The following ULK4 variants were observed in gnomAD, a reference collection of about 807,000 sequenced individuals.
ULK4 encodes the protein unc-51 like kinase 4.
Under a neutral mutation model 160.6 loss-of-function variants are expected in ULK4, and 133 were observed. The observed-to-expected ratio is 0.83, with a 90% CI of 0.72 to 0.96. ULK4 has a LOEUF of 0.96. ULK4 is among the 40% of genes least tolerant of loss of function. ULK4 has a pLI of 0.00. For synonymous variants in ULK4, 534 were observed against 539.8 expected (o/e 0.99, Z 0.15); for missense variants, 1,580 against 1,499.5 (o/e 1.05, Z -0.89).
intron 32 of ULK4, among the ~76,000 whole-genome samples, chr3:41,561,169 T>C (rs913533958): frequency 1.3e-5 from 2 of 152,210 alleles, no homozygotes; most frequent in Non-Finnish European, 2.9e-5. Context: ...ATTATGTTTA[T>C]TGATTTGCAT....
chr3:41,319,987 T>C (rs4973941), intron 35 of ULK4, among the ~76,000 whole-genome samples: 26,859 of 152,134 alleles, frequency 0.18, 3,008 homozygotes, highest in African/African-American at 0.32. Context: ...TAACTTAAAG[T>C]TCAGTAGTGA....
intron 22 of ULK4, among the ~76,000 whole-genome samples, chr3:41,749,512 A>G (rs1453623695): frequency 2.0e-5 from 3 of 152,158 alleles, no homozygotes; most frequent in African/African-American, 4.8e-5. Flanking sequence ...TTTGCGTTAG[A>G]TGATTTTGCC....
chr3:41,623,619 A>G (rs567284831), intron 30 of ULK4, among the ~76,000 whole-genome samples: 19 of 152,278 alleles, frequency 1.2e-4, no homozygotes, highest in African/African-American at 3.6e-4. Context: ...AACAAATACT[A>G]CATGATTTCA....
chr3:41,437,528 A>G (rs2083063577), intron 34 of ULK4, among the ~76,000 whole-genome samples: 1 of 152,192 alleles, frequency 6.6e-6, no homozygotes, highest in South Asian at 2.1e-4. Flanking sequence ...TGTCTTACAC[A>G]CTATACTCTG....
Position 41,264,653 on chromosome 3 carries a change from G to A in ULK4, c.3679-15079C>T, listed in dbSNP as rs142994657. 9.8e-4 allele frequency among the ~76,000 whole-genome samples: 149 copies of A among 152,322 alleles called. 2 individuals are homozygous for A. In the East Asian group the frequency reaches 0.028, roughly 28 times the overall value. The stretch of plus-strand genomic sequence containing the variant: ...CTCTTCAAAGAAGGGGAAAAAAAGA[G>A]TTTCCATTTGAAAATGGGCAATATG... On this transcript the variant is annotated intron_variant, in intron 35 of 36. Transcript: ENST00000301831.
chr3:41,493,379 A>G (rs2084864750), intron 32 of ULK4, among the ~76,000 whole-genome samples: 3 of 142,944 alleles, frequency 2.1e-5, no homozygotes, highest in Admixed American at 7.0e-5. Flanking sequence ...TTTGAAACCA[A>G]CGAGAACAAA....
intron 1 of ULK4, among the ~76,000 whole-genome samples, chr3:41,960,116 A>T (rs1700619387): frequency 6.6e-6 from 1 of 151,824 alleles, no homozygotes; most frequent in South Asian, 2.1e-4. Flanking sequence ...TCAGCCTCCC[A>T]AAATTCTGGA....
At chr3:41,946,321 A>C (rs1228938582) in intron 2 of ULK4, among the ~76,000 whole-genome samples, 1 of 152,164 alleles carries the variant, frequency 6.6e-6, no homozygotes, top group Non-Finnish European at 1.5e-5. Flanking sequence ...CATTTACTTG[A>C]GGTTCAAGAA....
chr3:41,768,047 C>T (rs573135939), intron 21 of ULK4, among the ~76,000 whole-genome samples: 20 of 152,300 alleles, frequency 1.3e-4, no homozygotes, highest in African/African-American at 4.6e-4. Context: ...GTGGAGCCAA[C>T]AGATTCTCAT....
chr3:41,701,536 T>C (rs745520104), intron 27 of ULK4, among the ~76,000 whole-genome samples: 3 of 152,202 alleles, frequency 2.0e-5, no homozygotes, highest in African/African-American at 7.2e-5. Flanking sequence ...ATCAGACAGA[T>C]AGTTTGCCAC....
chr3:41,307,747 T>C (rs2079975270), intron 35 of ULK4, among the ~76,000 whole-genome samples: 1 of 152,158 alleles, frequency 6.6e-6, no homozygotes, highest in Non-Finnish European at 1.5e-5. Context: ...GGAGGACTGC[T>C]TGAGCCTAGG....
At chr3:41,735,951 T>C (rs1182311133) in intron 22 of ULK4, among the ~76,000 whole-genome samples, 2 of 150,376 alleles carry the variant, frequency 1.3e-5, no homozygotes, top group East Asian at 2.0e-4. Context: ...GTTTGGTTTT[T>C]TGTCCTTGCG....
intron 2 of ULK4, 113 bp downstream of exon 2, chr3:41,954,509 C>G: frequency 2.4e-6 from 3 of 1,250,398 alleles, no homozygotes; most frequent in Non-Finnish European, 3.3e-6. Flanking sequence ...CCATTCCAGA[C>G]TGAAAATGTG....
chr3:41,838,810 C>G (rs1575803507), intron 17 of ULK4, among the ~76,000 whole-genome samples: 1 of 152,082 alleles, frequency 6.6e-6, no homozygotes, highest in Non-Finnish European at 1.5e-5. Context: ...TTCAACACCC[C>G]CCTCTCATGC....
chr3:41,265,779 G>A (rs2079021329), intron 35 of ULK4, among the ~76,000 whole-genome samples: 1 of 152,190 alleles, frequency 6.6e-6, no homozygotes, highest in Admixed American at 6.5e-5. Flanking sequence ...CGAAGCCTTT[G>A]AGAGTCTGGC....
chr3:41,697,341 T>G (rs2036535794), intron 27 of ULK4, among the ~76,000 whole-genome samples: 1 of 152,162 alleles, frequency 6.6e-6, no homozygotes, highest in African/African-American at 2.4e-5. Flanking sequence ...ATCCTGATCT[T>G]GAGTAAGCCC....
At chr3:41,781,410 C>A (rs914745040) in intron 21 of ULK4, among the ~76,000 whole-genome samples, 5 of 140,056 alleles carry the variant, frequency 3.6e-5, no homozygotes, top group African/African-American at 1.4e-4. Flanking sequence ...GAGCGAGACT[C>A]CATCTTAAAA....
chr3:41,759,533 G>A (rs954578986), intron 21 of ULK4, among the ~76,000 whole-genome samples: 1 of 152,088 alleles, frequency 6.6e-6, no homozygotes, highest in African/African-American at 2.4e-5. Context: ...CATGTAGTAA[G>A]ACTCAAGTTA....
intron 35 of ULK4, among the ~76,000 whole-genome samples, chr3:41,302,150 A>T (rs966608961): frequency 6.6e-6 from 1 of 152,250 alleles, no homozygotes; most frequent in Non-Finnish European, 1.5e-5. Flanking sequence ...TTAAAATATC[A>T]CATTCAGAAG....
Sources: allele counts gnomAD v4.1 joint callset (sites outside exome capture counted in the v4.1 genomes callset), GRCh38; gene constraint gnomAD v4.1.1; transcripts MANE v1.5; gene names NCBI Gene and HGNC (gene_info 2026-07-23, HGNC 2026-07-21).